Variants in SUPT3H observed in about 807,000 individuals in gnomAD.
SUPT3H encodes the protein transcription initiation protein SPT3 homolog.
Under a neutral mutation model 44.3 loss-of-function variants are expected in SUPT3H, and 44 were observed. That is an observed-to-expected ratio of 0.99 (90% confidence interval 0.78 to 1.28). The LOEUF (loss-of-function observed/expected upper bound fraction) is 1.28, where lower values mean the gene tolerates loss of function less well. Ranked by LOEUF, SUPT3H falls within the 50% of genes most tolerant of loss-of-function variation. The pLI is 0.00. For synonymous variants in SUPT3H, 124 were observed against 125.6 expected, an observed-to-expected ratio of 0.99 and a Z score of 0.09; for missense variants, 380 against 387.1, an observed-to-expected ratio of 0.98 and a Z score of 0.15.
At chr6:45,365,967 G>A (rs1447576499) in intron 1 of SUPT3H, among the ~76,000 whole-genome samples, 1 of 151,962 alleles carries the variant, frequency 6.6e-6, no homozygotes, top group Non-Finnish European at 1.5e-5. Flanking sequence ...GATGCATAAT[G>A]ATAAAGTGGG....
At chr6:45,072,029 T>C (rs1392994219) in intron 3 of SUPT3H, among the ~76,000 whole-genome samples, 1 of 152,208 alleles carries the variant, frequency 6.6e-6, no homozygotes, top group Non-Finnish European at 1.5e-5. Context: ...TTAATATATA[T>C]GACATTCCTA....
intron 9 of SUPT3H, among the ~76,000 whole-genome samples, chr6:44,951,846 A>G (rs1324520564): frequency 2.6e-5 from 4 of 152,234 alleles, no homozygotes; most frequent in East Asian, 1.9e-4. Flanking sequence ...TAGAAATGTT[A>G]TAACAAATTT....
At chr6:45,256,207 T>C (rs1173031885) in intron 2 of SUPT3H, among the ~76,000 whole-genome samples, 1 of 152,150 alleles carries the variant, frequency 6.6e-6, no homozygotes, top group African/African-American at 2.4e-5. Context: ...TAGTATCCTT[T>C]AGCTGTCATT....
intron 2 of SUPT3H, among the ~76,000 whole-genome samples, chr6:45,158,294 A>ATTTTTTT (rs1554266490): frequency 1.3e-4 from 4 of 30,520 alleles, no homozygotes; most frequent in Non-Finnish European, 1.8e-4. Context: ...ATATATATAT[A>ATTTTTTT]TATATTTTTT....
At chr6:44,927,768 A>G (rs1050359724) in intron 10 of SUPT3H, among the ~76,000 whole-genome samples, 101 of 152,368 alleles carry the variant, frequency 6.6e-4, no homozygotes, top group Non-Finnish European at 7.1e-4. Flanking sequence ...TTAAATTTCA[A>G]TGGTACAAAC....
chr6:44,862,605 C>T (rs1209114862), intron 10 of SUPT3H, among the ~76,000 whole-genome samples: 3 of 148,034 alleles, frequency 2.0e-5, no homozygotes, highest in East Asian at 2.0e-4. Context: ...TTGAACAAGG[C>T]GGGTGGAGGT....
intron 2 of SUPT3H, among the ~76,000 whole-genome samples, chr6:45,298,012 G>C (rs1443340487): frequency 1.3e-5 from 2 of 152,170 alleles, no homozygotes; most frequent in Non-Finnish European, 2.9e-5. Context: ...ATAATTTGTA[G>C]AGCCAGGAGT....
chr6:45,041,488 A>G (rs969838455), intron 3 of SUPT3H, among the ~76,000 whole-genome samples: 2 of 152,220 alleles, frequency 1.3e-5, no homozygotes, highest in African/African-American at 4.8e-5. Flanking sequence ...TGAAAGAGAA[A>G]TAAGAATGAA....
chr6:44,889,635 G>A (rs184173568), intron 10 of SUPT3H, among the ~76,000 whole-genome samples: 2 of 152,106 alleles, frequency 1.3e-5, no homozygotes, highest in African/African-American at 4.8e-5. Flanking sequence ...AGACTTAAAC[G>A]TTAGACCTAA....
chr6:45,234,182 T>A (rs571038588), intron 2 of SUPT3H, among the ~76,000 whole-genome samples: 8 of 152,320 alleles, frequency 5.3e-5, no homozygotes, highest in Admixed American at 3.9e-4. Flanking sequence ...AATACTAACA[T>A]TATATTCAAT....
intron 9 of SUPT3H, among the ~76,000 whole-genome samples, chr6:44,937,615 A>C (rs566798900): frequency 6.6e-5 from 10 of 152,270 alleles, no homozygotes; most frequent in Admixed American, 3.3e-4. Context: ...TTTTAATAAT[A>C]GCCATTCTGA....
At chr6:45,178,801 G>A (rs933723204) in intron 2 of SUPT3H, among the ~76,000 whole-genome samples, 6 of 152,100 alleles carry the variant, frequency 3.9e-5, no homozygotes, top group Non-Finnish European at 4.4e-5. Context: ...TGAACAACCT[G>A]CTCCTGAATG....
At position 45,134,312 on chromosome 6, in the gene SUPT3H, A is replaced by G. The variant is rs1803941413; in HGVS notation, c.102-28306T>C. 2.0e-5 allele frequency among the ~76,000 whole-genome samples: 3 copies of G among 152,194 alleles called. No individual in the cohort carries two copies. The South Asian group carries it at 6.2e-4, about 32-fold the overall frequency. ...GAGACAAAGCCCTCATGAACTGATCACCTCTTATTAGGCTCAACCTCGCAA... is the reference window on the plus strand; with the variant it reads ...GAGACAAAGCCCTCATGAACTGATCGCCTCTTATTAGGCTCAACCTCGCAA... On this transcript the variant is annotated intron_variant, in intron 2 of 10. Coordinates refer to ENST00000371459, the MANE Select transcript of SUPT3H (RefSeq NM_003599.4).
chr6:45,220,718 G>A (rs1157353989), intron 2 of SUPT3H, among the ~76,000 whole-genome samples: 2 of 152,164 alleles, frequency 1.3e-5, no homozygotes, highest in East Asian at 1.9e-4. Flanking sequence ...AAATAACAGA[G>A]TGAACCCTAG....
chr6:45,037,370 A>T (rs1787827255), intron 3 of SUPT3H, among the ~76,000 whole-genome samples: 1 of 151,618 alleles, frequency 6.6e-6, no homozygotes, highest in Admixed American at 6.6e-5. Flanking sequence ...AATATATGGC[A>T]GGGCGCAGTG....
intron 3 of SUPT3H, among the ~76,000 whole-genome samples, chr6:45,065,494 A>C (rs377050394): frequency 6.6e-6 from 1 of 151,296 alleles, no homozygotes; most frequent in Non-Finnish European, 1.5e-5. Context: ...GACACAAAAA[A>C]CCCTTCAAAA....
rs1784018112 is a variant in SUPT3H at position 45,014,885 on chromosome 6, G to GT, written c.279dup (p.Leu94ThrfsTer2). 1 of 1,540,578 alleles carries GT rather than the reference G, an allele frequency of 6.5e-7. No homozygotes were observed. Among genetic ancestry groups the GT allele is most frequent in the South Asian group, 1.3e-5 (1 of 77,990 alleles). ...AACATGTATTTTAGCAGTCTTCTAA[G>GT]TTTTTTCTATTAAAAATATAAAATA... On this transcript the variant is annotated frameshift_variant, in exon 5 of 11. Coordinates refer to ENST00000371459, the MANE Select transcript of SUPT3H (RefSeq NM_003599.4). LOFTEE classifies it high-confidence loss of function.
chr6:45,003,900 C>A lies in SUPT3H; in HGVS notation c.365-108G>T, dbSNP rs1251225676. On this transcript the variant is annotated intron_variant, in intron 5 of 10. Coordinates refer to ENST00000371459, the MANE Select transcript of SUPT3H (RefSeq NM_003599.4). ...GTATACCAAATTCAGAATTGGGATTCTCTGAAAATAATCTTTTAAAAAATT... is the reference window on the plus strand; with the variant it reads ...GTATACCAAATTCAGAATTGGGATTATCTGAAAATAATCTTTTAAAAAATT... 5 of 1,222,284 alleles carry A rather than the reference C, an allele frequency of 4.1e-6. No individual in the cohort carries two copies. The Admixed American group carries it at 1.5e-4, about 36-fold the overall frequency. The allele number at this position is 1,222,284 out of a possible 1,614,324, so 75.7% of individuals were successfully genotyped here.
intron 2 of SUPT3H, among the ~76,000 whole-genome samples, chr6:45,151,054 G>C (rs1396916471): frequency 6.6e-6 from 1 of 152,012 alleles, no homozygotes; most frequent in African/African-American, 2.4e-5. Context: ...TTCAATGAGA[G>C]AAATAACCAG....
Sources: gnomAD v4.1 joint callset for allele counts (sites outside exome capture counted in the v4.1 genomes callset) on GRCh38, gnomAD v4.1.1 for gene constraint, MANE v1.5 for transcripts, NCBI Gene and HGNC (gene_info 2026-07-23, HGNC 2026-07-21) for gene names.